The following TBC1D5 variants were observed in gnomAD, a reference collection of about 807,000 sequenced individuals.
TBC1D5 encodes the protein TBC1 domain family, member 5.
A neutral mutation model predicts 100.3 loss-of-function variants in TBC1D5; 75 were observed. The observed-to-expected ratio is 0.75, with a 90% CI of 0.62 to 0.91. TBC1D5 has a LOEUF of 0.91. Ranked by LOEUF, TBC1D5 falls within the 40% of genes least tolerant of loss-of-function variation. The pLI is 0.00. For synonymous variants in TBC1D5, 323 were observed against 325.6 expected, an observed-to-expected ratio of 0.99 and a Z score of 0.09; for missense variants, 910 against 942.4, an observed-to-expected ratio of 0.97 and a Z score of 0.45.
chr3:17,626,391 G>A (rs1320456011), intron 1 of TBC1D5, among the ~76,000 whole-genome samples: 1 of 151,940 alleles, frequency 6.6e-6, no homozygotes, highest in East Asian at 1.9e-4. Flanking sequence ...TAAGATTTAC[G>A]GGAAAAAAAT....
chr3:17,250,474 T>A (rs1027758313), intron 16 of TBC1D5, among the ~76,000 whole-genome samples: 4 of 152,238 alleles, frequency 2.6e-5, no homozygotes, highest in African/African-American at 9.6e-5. Context: ...TGATCTAGCC[T>A]CCTACTATCT....
intron 2 of TBC1D5, among the ~76,000 whole-genome samples, chr3:17,588,988 TAAAC>T (rs1359501573): frequency 6.6e-6 from 1 of 152,156 alleles, no homozygotes; most frequent in Non-Finnish European, 1.5e-5. Context: ...ACAACTAAAA[TAAAC>T]AAACACATTC....
Position 17,251,425 on chromosome 3 carries a change from A to ACCC in TBC1D5, c.1331+7078_1331+7080dup, listed in dbSNP as rs67701407. On this transcript the variant is annotated intron_variant, in intron 16 of 21. Transcript: ENST00000253692. ...AGAGGGAATATATATACTCACGGGA[A>ACCC]CCCCCCCCCCCCCAGTAGAAGCGAT... is the stretch of plus-strand genomic sequence containing the variant. 2.2e-4 allele frequency among the ~76,000 whole-genome samples: 24 copies of ACCC among 111,188 alleles called. 3 individuals are homozygous for ACCC. The East Asian group carries it at 2.5e-3, about 12-fold the overall frequency. The allele number at this position is 111,188 out of a possible 152,430, so 72.9% of individuals were successfully genotyped here. A position where few individuals can be genotyped will look rare whatever the true frequency, so the allele number is the denominator to read the frequency against.
chr3:17,683,924 T>C, intron 1 of TBC1D5, among the ~76,000 whole-genome samples: 1 of 152,168 alleles, frequency 6.6e-6, no homozygotes, highest in Non-Finnish European at 1.5e-5. Flanking sequence ...GTTATTTTGA[T>C]GTCATAAGAA....
intron 1 of TBC1D5, among the ~76,000 whole-genome samples, chr3:17,663,332 TA>T (rs959287701): frequency 2.1e-4 from 32 of 150,608 alleles, no homozygotes; most frequent in African/African-American, 7.1e-4. Context: ...CTCACTAGTT[TA>T]AAAAAAAATC....
intron 3 of TBC1D5, among the ~76,000 whole-genome samples, chr3:17,469,607 A>G (rs1291561846): frequency 1.3e-5 from 2 of 152,234 alleles, no homozygotes; most frequent in Admixed American, 6.5e-5. Context: ...AGAATGAGGA[A>G]TAAAGGGGTT....
chr3:17,542,966 T>C (rs2096373554), intron 2 of TBC1D5, among the ~76,000 whole-genome samples: 1 of 152,234 alleles, frequency 6.6e-6, no homozygotes, highest in African/African-American at 2.4e-5. Context: ...TGCTCATATG[T>C]GAAATTATAT....
chr3:17,199,271 C>A (rs756780212), intron 18 of TBC1D5, among the ~76,000 whole-genome samples: 26 of 152,012 alleles, frequency 1.7e-4, no homozygotes, highest in Non-Finnish European at 2.8e-4. Flanking sequence ...AGAAAACAAT[C>A]AATACCTCAT....
At chr3:17,583,360 T>A (rs2096711942) in intron 2 of TBC1D5, among the ~76,000 whole-genome samples, 1 of 152,046 alleles carries the variant, frequency 6.6e-6, no homozygotes, top group South Asian at 2.1e-4. Context: ...AAAAGTCATT[T>A]ATCGGTATCA....
chr3:17,419,439 T>C (rs2094157059), intron 4 of TBC1D5, among the ~76,000 whole-genome samples: 1 of 152,148 alleles, frequency 6.6e-6, no homozygotes, highest in Admixed American at 6.5e-5. Context: ...CCTAATAAAC[T>C]CAATATCTTT....
intron 2 of TBC1D5, among the ~76,000 whole-genome samples, chr3:17,563,205 A>G (rs922919213): frequency 6.6e-6 from 1 of 152,248 alleles, no homozygotes; most frequent in Non-Finnish European, 1.5e-5. Flanking sequence ...AGAATATAAT[A>G]AATTTAATTC....
intron 13 of TBC1D5, among the ~76,000 whole-genome samples, chr3:17,314,901 T>C (rs942191586): frequency 3.3e-5 from 5 of 152,204 alleles, no homozygotes; most frequent in African/African-American, 1.2e-4. Context: ...TCTGGAGGGA[T>C]GGTAAAAACA....
At chr3:17,248,284 G>A (rs1007879069) in intron 16 of TBC1D5, among the ~76,000 whole-genome samples, 1 of 152,188 alleles carries the variant, frequency 6.6e-6, no homozygotes, top group Non-Finnish European at 1.5e-5. Flanking sequence ...GAGCCACTGC[G>A]CCCGGCCTGA....
intron 8 of TBC1D5, among the ~76,000 whole-genome samples, chr3:17,390,816 A>G (rs1050633272): frequency 6.6e-6 from 1 of 152,152 alleles, no homozygotes; most frequent in African/African-American, 2.4e-5. Flanking sequence ...TATGGAATAA[A>G]AACAGACATA....
chr3:17,219,273 TA>T (rs764185826), intron 17 of TBC1D5, among the ~76,000 whole-genome samples: 2 of 151,902 alleles, frequency 1.3e-5, no homozygotes, highest in Non-Finnish European at 2.9e-5. Flanking sequence ...ATAAAGCCCC[TA>T]TTTTTTTTAC....
intron 1 of TBC1D5, among the ~76,000 whole-genome samples, chr3:17,677,646 G>A (rs1157257231): frequency 6.6e-6 from 1 of 152,174 alleles, no homozygotes; most frequent in African/African-American, 2.4e-5. Context: ...CCATTACTGG[G>A]TATATACCCA....
At chr3:17,434,535 C>T (rs913276213) in intron 3 of TBC1D5, among the ~76,000 whole-genome samples, 2 of 152,318 alleles carry the variant, frequency 1.3e-5, no homozygotes, top group African/African-American at 2.4e-5. Context: ...ACTGTACCCC[C>T]TCCCAAATCT....
intron 1 of TBC1D5, among the ~76,000 whole-genome samples, chr3:17,705,727 G>A (rs1467589714): frequency 7.1e-6 from 1 of 140,372 alleles, no homozygotes; most frequent in Non-Finnish European, 1.6e-5. Context: ...TCCTAGATGG[G>A]ATGGCGGCCG....
intron 1 of TBC1D5, among the ~76,000 whole-genome samples, chr3:17,734,239 T>C (rs2076789108): frequency 6.6e-6 from 1 of 152,196 alleles, no homozygotes; most frequent in Non-Finnish European, 1.5e-5. Context: ...CAAACCTTTA[T>C]AAATGTTTTA....
Sources: allele counts gnomAD v4.1 joint callset (sites outside exome capture counted in the v4.1 genomes callset), GRCh38; gene constraint gnomAD v4.1.1; transcripts MANE v1.5; gene names NCBI Gene and HGNC (gene_info 2026-07-23, HGNC 2026-07-21).